The following CNR2 variants were observed in gnomAD, a reference collection of about 807,000 sequenced individuals.
The protein encoded by CNR2 is cannabinoid receptor 2, also known as cannabinoid receptor 2 (macrophage).
For missense variants in CNR2, 379 were observed against 439.9 expected, an observed-to-expected ratio of 0.86 and a Z score of 1.24; for synonymous variants, 172 against 182.2, an observed-to-expected ratio of 0.94 and a Z score of 0.45.
In CNR2 at chr1:23,874,373, C is replaced by T. The variant is rs1020981020; in HGVS notation, c.*162G>A. 7.8e-6 allele frequency: 6 copies of T among 770,346 alleles called. No homozygotes were observed. The highest frequency in any genetic ancestry group is 5.3e-5 in the African/African-American group (3 of 56,970). 47.7% of individuals were successfully genotyped at this position (770,346 alleles called of 1,614,324 possible). A position where few individuals can be genotyped will look rare whatever the true frequency, so the allele number is the denominator to read the frequency against. ...CTGTGTGCAGGTGGGCAAGGCCAGG[C>T]TGTCTTCCAGGAGTCAGTCCCAACA... On this transcript the variant is annotated 3_prime_UTR_variant, in exon 2 of 2. Transcript: ENST00000374472.
At chr1:23,885,290 A>C (rs1640068214) in intron 1 of CNR2, among the ~76,000 whole-genome samples, 2 of 151,916 alleles carry the variant, frequency 1.3e-5, no homozygotes. Flanking sequence ...AAAGCTATTA[A>C]TTAATGAAAT....
chr1:23,888,597 T>C (rs1180535252), intron 1 of CNR2, among the ~76,000 whole-genome samples: 1 of 152,074 alleles, frequency 6.6e-6, no homozygotes, highest in Non-Finnish European at 1.5e-5. Context: ...GCAAAAACAT[T>C]TTGTGACCTG....
intron 1 of CNR2, among the ~76,000 whole-genome samples, chr1:23,879,029 G>A (rs1639934205): frequency 6.6e-6 from 1 of 152,196 alleles, no homozygotes. Context: ...AGAACGGCAA[G>A]AAAGAATAGT....
chr1:23,891,167 A>G (rs1272821756), intron 1 of CNR2, among the ~76,000 whole-genome samples: 2 of 152,076 alleles, frequency 1.3e-5, no homozygotes, highest in East Asian at 3.9e-4. Flanking sequence ...GGCGTGAGCC[A>G]CTGCTCCTGG....
intron 1 of CNR2, among the ~76,000 whole-genome samples, chr1:23,913,027 C>T (rs897463436): frequency 2.6e-5 from 4 of 152,034 alleles, no homozygotes; most frequent in Non-Finnish European, 4.4e-5. Flanking sequence ...ATTAGCCAGA[C>T]GCAGTAGTGC....
chr1:23,902,056 G>C (rs1640408846), intron 1 of CNR2: 1 of 1,562,794 alleles, frequency 6.4e-7, no homozygotes. Flanking sequence ...AGCGCCGTTG[G>C]CAAACTCCTC....
chr1:23,894,032 A>G (rs1480883600), intron 1 of CNR2, among the ~76,000 whole-genome samples: 1 of 151,302 alleles, frequency 6.6e-6, no homozygotes, highest in East Asian at 2.0e-4. Flanking sequence ...GAGGTGGTGG[A>G]TTGCTGGAGC....
At chr1:23,902,911 C>T (rs1640427015) in intron 1 of CNR2, among the ~76,000 whole-genome samples, 1 of 151,182 alleles carries the variant, frequency 6.6e-6, no homozygotes, top group South Asian at 2.1e-4. Flanking sequence ...AGAGCTCCGC[C>T]GCCATCCTCG....
chr1:23,894,641 T>A lies in CNR2; in HGVS notation c.-46+18605A>T, dbSNP rs1462027558. Among the ~76,000 whole-genome samples, 146 of 110,104 alleles carry A rather than the reference T, an allele frequency of 1.3e-3. 1 individual carries two copies. Among genetic ancestry groups the A allele is most frequent in the Non-Finnish European group, 1.5e-3 (82 of 56,028 alleles). 72.2% of individuals were successfully genotyped at this position (110,104 alleles called of 152,430 possible). On this transcript the variant is annotated intron_variant, in intron 1 of 1. Coordinates refer to ENST00000374472, the MANE Select transcript of CNR2 (RefSeq NM_001841.3). Reference sequence around the variant, plus strand: ...ACACCGTGAAACCCCATCTGTATTATAAATAATAATAATAAAAAAATCAGC... The same window carrying A: ...ACACCGTGAAACCCCATCTGTATTAAAAATAATAATAATAAAAAAATCAGC...
chr1:23,880,426 A>G (rs1397511639), intron 1 of CNR2, among the ~76,000 whole-genome samples: 1 of 151,952 alleles, frequency 6.6e-6, no homozygotes, highest in African/African-American at 2.4e-5. Context: ...TGCCCGCCTT[A>G]GCCTCCCAAA....
chr1:23,898,335 C>CCATTTTTTTTTTTTT (rs1230917304), intron 1 of CNR2, among the ~76,000 whole-genome samples: 1 of 108,226 alleles, frequency 9.2e-6, no homozygotes, highest in Non-Finnish European at 1.8e-5. Context: ...CCGCGCCCGG[C>CCATTTTTTTTTTTTT]TTTTTTTTTT....
At chr1:23,895,423 A>G (rs574470268) in intron 1 of CNR2, among the ~76,000 whole-genome samples, 1 of 152,318 alleles carries the variant, frequency 6.6e-6, no homozygotes, top group South Asian at 2.1e-4. Flanking sequence ...CAACTATTCC[A>G]TGAGCAAATA....
chr1:23,906,550 T>C (rs1204049672), intron 1 of CNR2, among the ~76,000 whole-genome samples: 1 of 149,810 alleles, frequency 6.7e-6, no homozygotes, highest in African/African-American at 2.4e-5. Flanking sequence ...TTCTTTCTTT[T>C]TTTTTTTTTA....
In CNR2 at chr1:23,875,294, C is replaced by A. The variant is rs756628656; in HGVS notation, c.324G>T (p.Leu108=). ...HGVDSKAVFL[L]KIGSVTMTFT... ...AGGTCATAGTCACGCTGCCAATCTT[C>A]AGCAGGAAGACAGCCTTGGAATCCA... Residue 108 remains leucine (L), a synonymous_variant, in exon 2 of 2, where the codon CTG becomes CTT. Coordinates refer to ENST00000374472, the MANE Select transcript of CNR2 (RefSeq NM_001841.3). 6.2e-7 allele frequency: 1 copy of A among 1,614,210 alleles called. No homozygotes were observed. Among genetic ancestry groups the A allele is most frequent in the Non-Finnish European group, 8.5e-7 (1 of 1,180,052 alleles).
chr1:23,874,912 G>A lies in CNR2; in HGVS notation c.706C>T (p.Arg236Ter), dbSNP rs199945476. 7.5e-5 allele frequency: 121 copies of A among 1,613,596 alleles called. No homozygotes were observed. The highest frequency in any genetic ancestry group is 5.3e-5 in the Non-Finnish European group (62 of 1,179,788). ...GCCAACCTCACATCCAGCCTCATTC[G>A]GGCCATTCCTGGCACCTGCCTGTCC... ...HQDRQVPGMA[R>*]MRLDVRLAKT... Residue 236 changes from arginine to a stop codon, truncating the protein, a stop_gained, in exon 2 of 2, where the codon CGA becomes TGA. Coordinates refer to ENST00000374472, the MANE Select transcript of CNR2 (RefSeq NM_001841.3). LOFTEE classifies it low-confidence loss of function (END_TRUNC).
At chr1:23,904,175 A>G (rs56038531) in intron 1 of CNR2, among the ~76,000 whole-genome samples, 1,764 of 140,346 alleles carry the variant, frequency 0.013, 38 homozygotes, top group African/African-American at 0.044. Flanking sequence ...TGTTCGTTTC[A>G]TTGTTTTTTT....
At chr1:23,885,674 T>C (rs1010076090) in intron 1 of CNR2, among the ~76,000 whole-genome samples, 2 of 151,116 alleles carry the variant, frequency 1.3e-5, no homozygotes, top group African/African-American at 4.9e-5. Context: ...GATCAGGAGT[T>C]TGAGACCAGC....
chr1:23,893,832 A>T (rs1330677625), intron 1 of CNR2, among the ~76,000 whole-genome samples: 1 of 152,088 alleles, frequency 6.6e-6, no homozygotes, highest in African/African-American at 2.4e-5. Context: ...ATGTTAAGAA[A>T]CTTTCTGGGG....
At chr1:23,900,334 G>T (rs1339229116) in intron 1 of CNR2, among the ~76,000 whole-genome samples, 1 of 151,614 alleles carries the variant, frequency 6.6e-6, no homozygotes, top group African/African-American at 2.4e-5. Flanking sequence ...TAAAATTCCG[G>T]TCTCCCGCAC....
Sources: allele counts gnomAD v4.1 joint callset (sites outside exome capture counted in the v4.1 genomes callset), GRCh38; gene constraint gnomAD v4.1.1; transcripts MANE v1.5; gene names NCBI Gene and HGNC (gene_info 2026-07-23, HGNC 2026-07-21).